The following CERKL variants were observed in gnomAD, a reference collection of about 807,000 sequenced individuals.
CERKL encodes ceramide kinase-like protein.
Under a neutral mutation model 63.4 loss-of-function variants are expected in CERKL, and 61 were observed. That is an observed-to-expected ratio of 0.96 (90% CI 0.78 to 1.19). The LOEUF is 1.19. Ranked by LOEUF, CERKL falls within the 50% of genes most tolerant of loss-of-function variation. The pLI is 0.00. For synonymous variants in CERKL, 250 were observed against 230.5 expected (o/e 1.08, Z -0.77); for missense variants, 675 against 655.5 (o/e 1.03, Z -0.33).
chr2:181,562,045 C>T (rs1329185669), intron 4 of CERKL, among the ~76,000 whole-genome samples: 4 of 152,116 alleles, frequency 2.6e-5, no homozygotes, highest in Non-Finnish European at 4.4e-5. Flanking sequence ...AACTCCTGAC[C>T]TCAGGTGATC....
chr2:181,621,137 T>G (rs1365717261), intron 1 of CERKL, among the ~76,000 whole-genome samples: 1 of 152,152 alleles, frequency 6.6e-6, no homozygotes, highest in Non-Finnish European at 1.5e-5. Context: ...AAAAAAGAGT[T>G]AAGTAAATCA....
At chr2:181,654,295 A>G (rs1226282353) in intron 1 of CERKL, among the ~76,000 whole-genome samples, 2 of 152,172 alleles carry the variant, frequency 1.3e-5, no homozygotes, top group African/African-American at 4.8e-5. Flanking sequence ...CCTGAACCCA[A>G]TAAAAAGAAC....
chr2:181,625,761 T>G (rs946208658), intron 1 of CERKL, among the ~76,000 whole-genome samples: 5 of 152,210 alleles, frequency 3.3e-5, no homozygotes, highest in Non-Finnish European at 5.9e-5. Context: ...AATAGATGCA[T>G]TCATTCATTC....
At chr2:181,598,156 C>T (rs1345056893) in intron 2 of CERKL, among the ~76,000 whole-genome samples, 3 of 152,100 alleles carry the variant, frequency 2.0e-5, no homozygotes, top group Non-Finnish European at 2.9e-5. Context: ...GTGAGAATGC[C>T]ACTTAGGCTT....
At chr2:181,654,840 A>G (rs1219254728) in intron 1 of CERKL, among the ~76,000 whole-genome samples, 1 of 152,118 alleles carries the variant, frequency 6.6e-6, no homozygotes, top group African/African-American at 2.4e-5. Context: ...GCTGGAGTGC[A>G]GTGGTGTGAT....
intron 1 of CERKL, among the ~76,000 whole-genome samples, chr2:181,623,110 G>A (rs539064738): frequency 3.9e-5 from 6 of 152,128 alleles, no homozygotes; most frequent in Non-Finnish European, 7.4e-5. Context: ...TTGTATTTTC[G>A]ATTCGTTCCA....
chr2:181,616,128 AG>A (rs1686182714), intron 1 of CERKL, among the ~76,000 whole-genome samples: 1 of 152,036 alleles, frequency 6.6e-6, no homozygotes, highest in African/African-American at 2.4e-5. Flanking sequence ...ATACTTCTTA[AG>A]AATGTAAGCA....
intron 1 of CERKL, among the ~76,000 whole-genome samples, chr2:181,644,092 G>T (rs1025392940): frequency 6.6e-6 from 1 of 152,206 alleles, no homozygotes; most frequent in Admixed American, 6.5e-5. Flanking sequence ...CACAAGCTAA[G>T]GGCTAAATCA....
intron 2 of CERKL, among the ~76,000 whole-genome samples, chr2:181,585,563 AG>A (rs1684726763): frequency 6.6e-6 from 1 of 152,158 alleles, no homozygotes. Flanking sequence ...TAGATCCCTT[AG>A]AAAAAATATT....
chr2:181,633,458 G>A (rs761871257), intron 1 of CERKL, among the ~76,000 whole-genome samples: 44 of 152,226 alleles, frequency 2.9e-4, no homozygotes, highest in Non-Finnish European at 5.7e-4. Context: ...CACTTTCTTG[G>A]GTTTAGGTTT....
intron 1 of CERKL, among the ~76,000 whole-genome samples, chr2:181,613,557 G>T (rs1001201116): frequency 1.3e-5 from 2 of 152,032 alleles, no homozygotes; most frequent in African/African-American, 4.8e-5. Flanking sequence ...TGGTCTTTTT[G>T]CCAATGTTAC....
chr2:181,564,085 C>G (rs79363547), intron 4 of CERKL, among the ~76,000 whole-genome samples: 7,973 of 152,146 alleles, frequency 0.052, 298 homozygotes, highest in Middle Eastern at 0.11. Context: ...CTCGCATGAC[C>G]AGTTATATCC....
At chr2:181,543,983 C>CAAAAAA (rs11450338) in intron 11 of CERKL, among the ~76,000 whole-genome samples, 3 of 118,168 alleles carry the variant, frequency 2.5e-5, no homozygotes, top group Non-Finnish European at 3.4e-5. Flanking sequence ...GGCTCTAACT[C>CAAAAAA]AAAAAAAAAA....
intron 2 of CERKL, among the ~76,000 whole-genome samples, chr2:181,592,730 CACA>C (rs921622005): frequency 5.3e-5 from 8 of 152,172 alleles, no homozygotes; most frequent in African/African-American, 1.9e-4. Flanking sequence ...ATCCCAATTT[CACA>C]ACTTTATAGC....
chr2:181,585,987 C>A (rs1684748164), intron 2 of CERKL, among the ~76,000 whole-genome samples: 1 of 152,108 alleles, frequency 6.6e-6, no homozygotes, highest in South Asian at 2.1e-4. Flanking sequence ...TGCAAAAAAG[C>A]AGGTGGCCCA....
chr2:181,558,695 C>T lies in CERKL; in HGVS notation c.691G>A (p.Gly231Ser). 5 of 1,613,454 alleles carry T rather than the reference C, an allele frequency of 3.1e-6. No individual in the cohort carries two copies. Among genetic ancestry groups the T allele is most frequent in the Non-Finnish European group, 4.2e-6 (5 of 1,179,720 alleles). Residue 231 changes from glycine to serine, a missense_variant, in exon 5 of 13, where the codon GGT (glycine) becomes AGT (serine). By Grantham distance (56) the Gly-to-Ser change is moderately conservative. Coordinates refer to ENST00000410087, the MANE Select transcript of CERKL (RefSeq NM_201548.5). This position sits in a 1 kb window ranked among gnomAD's most constrained non-coding sequence, Gnocchi z 4.2. ...LQGFDGVVCV[G>S]GDGSASEVAH... is the part of the protein sequence containing the mutation. ...ACTTCGCTAGCAGATCCATCTCCAC[C>T]AACACAGACAACACTAGAAAAATAC...
chr2:181,542,837 G>A (rs1687570906), intron 11 of CERKL, among the ~76,000 whole-genome samples: 2 of 152,078 alleles, frequency 1.3e-5, no homozygotes, highest in South Asian at 4.1e-4. Context: ...ATTATTTTCT[G>A]TATGTCTGTC....
intron 1 of CERKL, among the ~76,000 whole-genome samples, chr2:181,619,647 C>T (rs1443701283): frequency 2.0e-5 from 3 of 152,150 alleles, no homozygotes; most frequent in Non-Finnish European, 4.4e-5. Flanking sequence ...GACCTTTGCT[C>T]CTTCATTTCC....
At position 181,537,514 on chromosome 2, in the gene CERKL, CTA is replaced by C. The variant is rs754920145; in HGVS notation, c.*668_*669del. ...CTTTTTTGGCAGGTAGGCTATATAA[CTA>C]TGTGATTTTGAAATTTAACTGCTCT... On this transcript the variant is annotated 3_prime_UTR_variant, in exon 13 of 13. Coordinates refer to ENST00000410087, the MANE Select transcript of CERKL (RefSeq NM_201548.5). 2.5e-4 allele frequency: 114 copies of C among 450,056 alleles called. No individual in the cohort carries two copies. The highest frequency in any genetic ancestry group is 4.7e-4 in the Non-Finnish European group (106 of 224,374). 27.9% of individuals were successfully genotyped at this position (450,056 alleles called of 1,614,324 possible). A position where few individuals can be genotyped will look rare whatever the true frequency, so the allele number is the denominator to read the frequency against.
Sources: allele counts gnomAD v4.1 joint callset (sites outside exome capture counted in the v4.1 genomes callset), GRCh38; gene constraint gnomAD v4.1.1; non-coding constraint Gnocchi (gnomAD v3.1); transcripts MANE v1.5; gene names NCBI Gene and HGNC (gene_info 2026-07-23, HGNC 2026-07-21).